The following TASP1 variants were observed in gnomAD, a reference collection of about 807,000 sequenced individuals.
TASP1 encodes taspase 1, also known as threonine aspartase 1.
A neutral mutation model predicts 56.6 loss-of-function variants in TASP1; 16 were observed. That is an observed-to-expected ratio of 0.28 (90% confidence interval 0.19 to 0.43). The LOEUF is 0.43. Among genes scored for constraint, TASP1 ranks in the 20% least tolerant of loss-of-function variants. The pLI is 1.00. For missense variants in TASP1, 393 were observed against 511.6 expected (o/e 0.77, Z 2.24); for synonymous variants, 179 against 184.2 (o/e 0.97, Z 0.23).
the TASP1 span, among the ~76,000 whole-genome samples, chr20:13,334,297 C>G: frequency 5.2e-4 from 79 of 152,282 alleles, no homozygotes; most frequent in African/African-American, 1.9e-3. Context: ...CCACAGGGAG[C>G]TGTAGAAGGC....
At chr20:13,331,974 G>A in the TASP1 span, among the ~76,000 whole-genome samples, 1 of 152,080 alleles carries the variant, frequency 6.6e-6, no homozygotes, top group South Asian at 2.1e-4. Flanking sequence ...TAATGATGCT[G>A]GAGCACGTTT....
At chr20:13,281,779 G>C in the TASP1 span, among the ~76,000 whole-genome samples, 1 of 152,234 alleles carries the variant, frequency 6.6e-6, no homozygotes, top group Non-Finnish European at 1.5e-5. Flanking sequence ...ATGCCAGCCT[G>C]AGATTGCACA....
chr20:13,610,223 G>A (rs543239976), intron 4 of TASP1, among the ~76,000 whole-genome samples: 254 of 152,260 alleles, frequency 1.7e-3, no homozygotes, highest in Admixed American at 6.8e-3. Flanking sequence ...TTAATGCCAT[G>A]GGATTATGCA....
intron 8 of TASP1, among the ~76,000 whole-genome samples, chr20:13,535,114 T>C (rs1294614498): frequency 6.6e-6 from 1 of 152,142 alleles, no homozygotes; most frequent in African/African-American, 2.4e-5. Flanking sequence ...GGGTTCAACA[T>C]GAACAGCTCC....
At chr20:13,485,007 T>C (rs908361806) in intron 10 of TASP1, among the ~76,000 whole-genome samples, 1 of 152,098 alleles carries the variant, frequency 6.6e-6, no homozygotes, top group Non-Finnish European at 1.5e-5. Context: ...GGAAGGATAG[T>C]ATTAGGAGAA....
intron 4 of TASP1, among the ~76,000 whole-genome samples, chr20:13,605,844 A>G (rs2048128085): frequency 6.6e-6 from 1 of 152,148 alleles, no homozygotes; most frequent in Non-Finnish European, 1.5e-5. Flanking sequence ...TCCTCTGTTC[A>G]TAAACCTACA....
rs181594124 is a variant in TASP1 at position 13,429,943 on chromosome 20, A to G, written c.1096+5101T>C. Among the ~76,000 whole-genome samples, 11 of 152,150 alleles carry G rather than the reference A, an allele frequency of 7.2e-5. 1 individual carries two copies. The highest frequency in any genetic ancestry group is 6.8e-3 in the Middle Eastern group (2 of 294). On this transcript the variant is annotated intron_variant, in intron 12 of 13. Coordinates refer to ENST00000337743, the MANE Select transcript of TASP1 (RefSeq NM_017714.3). ...GACCCATGGCTATGTTCTCTGGGCC[A>G]GCTGCAGAGTTGTTATATAGAAAGA... is the stretch of plus-strand genomic sequence containing the variant.
the TASP1 span, chr20:13,270,489 G>T: frequency 1.2e-6 from 2 of 1,603,750 alleles, no homozygotes; most frequent in Non-Finnish European, 1.7e-6. Context: ...GTGTTTGCTT[G>T]TTTGTTTGTT....
Position 13,590,988 on chromosome 20 carries a change from C to T in TASP1, c.283-3618G>A, listed in dbSNP as rs142503740. Reference sequence around the variant, plus strand: ...CACTGCAGAAGAAAATAGCAATAAACGTAATAATACAGCAATAAAAATTAT... The same window carrying T: ...CACTGCAGAAGAAAATAGCAATAAATGTAATAATACAGCAATAAAAATTAT... On this transcript the variant is annotated intron_variant, in intron 4 of 13. Transcript: ENST00000337743. Among the ~76,000 whole-genome samples, 50 of 149,164 alleles carry T rather than the reference C, an allele frequency of 3.4e-4. 1 individual carries two copies. In the East Asian group the frequency reaches 6.7e-3, roughly 20 times the overall value.
rs144428452 is a variant in TASP1, at chr20:13,619,010, G to A, written c.282+4436C>T. ...CTGCCTCAGCCTCCCAACTAGCTGG[G>A]ATTACAGGAACGCGCCACAATGCCC... On this transcript the variant is annotated intron_variant, in intron 4 of 13. Coordinates refer to ENST00000337743, the MANE Select transcript of TASP1 (RefSeq NM_017714.3). Among the ~76,000 whole-genome samples, 810 of 152,124 alleles carry A rather than the reference G, an allele frequency of 5.3e-3. 4 individuals carry two copies. The highest frequency in any genetic ancestry group is 8.8e-3 in the Non-Finnish European group (595 of 67,978).
chr20:13,265,568 T>C, the TASP1 span, among the ~76,000 whole-genome samples: 1 of 152,194 alleles, frequency 6.6e-6, no homozygotes. Context: ...TGCAGGAAAG[T>C]ATCCCAAATT....
At chr20:13,180,660 T>C in the TASP1 span, among the ~76,000 whole-genome samples, 4,324 of 152,282 alleles carry the variant, frequency 0.028, 187 homozygotes, top group African/African-American at 0.097. Flanking sequence ...AAAGTAACAT[T>C]GGAATACAAA....
At chr20:13,233,319 G>A in the TASP1 span, among the ~76,000 whole-genome samples, 1 of 152,100 alleles carries the variant, frequency 6.6e-6, no homozygotes, top group Admixed American at 6.5e-5. Context: ...GATCCTGCCG[G>A]GCGCGGTGGC....
chr20:13,503,932 GA>G (rs200487267), intron 10 of TASP1, among the ~76,000 whole-genome samples: 89 of 148,420 alleles, frequency 6.0e-4, no homozygotes, highest in African/African-American at 1.7e-3. Flanking sequence ...CATCAGAGAA[GA>G]AAAAAAAATG....
At chr20:13,246,491 C>T in the TASP1 span, among the ~76,000 whole-genome samples, 9 of 152,196 alleles carry the variant, frequency 5.9e-5, no homozygotes, top group Non-Finnish European at 1.2e-4. Flanking sequence ...ATACCCATGG[C>T]ATGCAGTGTA....
At chr20:13,335,901 G>A in the TASP1 span, among the ~76,000 whole-genome samples, 2 of 152,002 alleles carry the variant, frequency 1.3e-5, no homozygotes, top group Middle Eastern at 3.4e-3. Context: ...AGAGAGGAGA[G>A]AAAATTGTCA....
chr20:13,135,451 T>C, the TASP1 span, among the ~76,000 whole-genome samples: 2 of 152,170 alleles, frequency 1.3e-5, no homozygotes, highest in Non-Finnish European at 2.9e-5. Flanking sequence ...TGGCACTTTT[T>C]TGAAAAAAGA....
chr20:13,270,354 C>A, the TASP1 span: 1 of 812,584 alleles, frequency 1.2e-6, no homozygotes, highest in Non-Finnish European at 1.9e-6. Context: ...GAAACTAAAC[C>A]ATGGGTTTGC....
chr20:13,337,963 A>G, the TASP1 span, among the ~76,000 whole-genome samples: 1 of 152,184 alleles, frequency 6.6e-6, no homozygotes, highest in African/African-American at 2.4e-5. Context: ...CGTTACCAGA[A>G]AAGGGTCCTG....
Sources: gnomAD v4.1 joint callset for allele counts (sites outside exome capture counted in the v4.1 genomes callset) on GRCh38, gnomAD v4.1.1 for gene constraint, MANE v1.5 for transcripts, NCBI Gene and HGNC (gene_info 2026-07-23, HGNC 2026-07-21) for gene names.